PTPRQ: variants seen among roughly 807,000 people sequenced by gnomAD.
The protein encoded by PTPRQ is protein tyrosine phosphatase receptor type Q.
In PTPRQ, 199 loss-of-function variants were observed where a neutral mutation model predicts 246.0. The observed-to-expected ratio is 0.81, with a 90% confidence interval of 0.72 to 0.91. The LOEUF is 0.91. Ranked by LOEUF, PTPRQ falls within the 40% of genes least tolerant of loss-of-function variation. The pLI is 0.00. For synonymous variants in PTPRQ, 869 were observed against 853.2 expected (o/e 1.02, Z -0.32); for missense variants, 2,624 against 2,528.4 (o/e 1.04, Z -0.81).
At chr12:80,448,597 TC>T (rs1205588054) in intron 3 of PTPRQ, among the ~76,000 whole-genome samples, 5 of 151,222 alleles carry the variant, frequency 3.3e-5, no homozygotes, top group Non-Finnish European at 7.4e-5. Flanking sequence ...ATTGTTCAAT[TC>T]CCACCTATGA....
chr12:80,670,634 A>G (rs1202741190), intron 42 of PTPRQ, 142 bp downstream of exon 42: 1 of 1,258,042 alleles, frequency 7.9e-7, no homozygotes, highest in East Asian at 2.8e-5. Flanking sequence ...ATTTCTAGAC[A>G]CATTGGTATG....
In PTPRQ at chr12:80,444,779, T is replaced by C. The variant is rs1315666506; in HGVS notation, c.93T>C (p.Asp31=). The change falls in exon 2 of 45, where the codon GAT becomes GAC. Residue 31 remains aspartate, a synonymous_variant. Transcript: ENST00000644991. ...VSNVVPGTRY[D]ITISSISTTY... is the part of the protein sequence containing the mutation. ...ATGTCGTTCCTGGTACTAGGTACGA[T>C]ATAACCATCTCTTCAATTTCTACAA... The C allele has an allele frequency of 1.3e-6, 2 of 1,540,526 alleles. No homozygotes were observed. Among genetic ancestry groups the C allele is most frequent in the South Asian group, 1.2e-5 (1 of 83,556 alleles).
At chr12:80,502,338 A>G (rs1367191090) in intron 14 of PTPRQ, among the ~76,000 whole-genome samples, 4 of 151,940 alleles carry the variant, frequency 2.6e-5, no homozygotes, top group Non-Finnish European at 5.9e-5. Context: ...TGAAGAGAGA[A>G]CATGGTGAAA....
At chr12:80,621,005 A>G (rs1229620019) in intron 32 of PTPRQ, among the ~76,000 whole-genome samples, 1 of 151,884 alleles carries the variant, frequency 6.6e-6, no homozygotes, top group Admixed American at 6.6e-5. Flanking sequence ...TAAGACTACA[A>G]TTTTTAAAAG....
chr12:80,649,725 A>C, intron 37 of PTPRQ, 56 bp downstream of exon 37: 1 of 1,500,824 alleles, frequency 6.7e-7, no homozygotes, highest in Non-Finnish European at 8.9e-7. Context: ...TTCATGTGTC[A>C]CATTTCATGT....
chr12:80,591,120 C>CTTTTTTTT (rs757029945), intron 26 of PTPRQ, among the ~76,000 whole-genome samples: 18 of 77,386 alleles, frequency 2.3e-4, no homozygotes, highest in South Asian at 4.3e-4. Flanking sequence ...TTGATCATTG[C>CTTTTTTTT]TTTTTTTTTT....
At chr12:80,631,959 G>A (rs558488124) in intron 33 of PTPRQ, among the ~76,000 whole-genome samples, 2 of 152,282 alleles carry the variant, frequency 1.3e-5, no homozygotes, top group South Asian at 2.1e-4. Context: ...AAAACTGTGA[G>A]GCTAGATGGG....
rs1216060967 is a variant in PTPRQ at position 80,558,111 on chromosome 12, TTTTC to T, written c.4285+8389_4285+8392del. 5.6e-3 allele frequency among the ~76,000 whole-genome samples: 739 copies of T among 131,082 alleles called. 18 individuals are homozygous for T. Among genetic ancestry groups the T allele is most frequent in the African/African-American group, 0.019 (597 of 32,162 alleles). The allele number at this position is 131,082 out of a possible 152,430, so 86.0% of individuals were successfully genotyped here. ...CCCTCCCTCCCTCCTTTCTTCTTTC[TTTTC>T]TTTCTTTCTTTTCTTTTCTTTTCTT... On this transcript the variant is annotated intron_variant, in intron 25 of 44. Transcript: ENST00000644991.
Position 80,604,122 on chromosome 12 carries a change from G to A in PTPRQ, c.4610-937G>A, listed in dbSNP as rs138913040. Among the ~76,000 whole-genome samples the A allele has an allele frequency of 5.9e-5, 9 of 151,462 alleles. 2 individuals are homozygous for A. Among genetic ancestry groups the A allele is most frequent in the African/African-American group, 1.9e-4 (8 of 41,410 alleles). On this transcript the variant is annotated intron_variant, in intron 26 of 44. Transcript: ENST00000644991. ...TCATCTTCCTGATTATATCTTCTCCGGATCTGTGGGATAGTACTTTTTCAA... is the reference window on the plus strand; with the variant it reads ...TCATCTTCCTGATTATATCTTCTCCAGATCTGTGGGATAGTACTTTTTCAA...
intron 14 of PTPRQ, among the ~76,000 whole-genome samples, chr12:80,503,253 G>T (rs1267880464): frequency 6.6e-6 from 1 of 151,854 alleles, no homozygotes; most frequent in Non-Finnish European, 1.5e-5. Context: ...GAGGGTAGTT[G>T]TTGAGGATTT....
Position 80,649,569 on chromosome 12 carries a change from T to A in PTPRQ, c.5943-19T>A, listed in dbSNP as rs1900188960. On this transcript the variant is annotated intron_variant, in intron 36 of 44. Coordinates refer to ENST00000644991, the MANE Select transcript of PTPRQ (RefSeq NM_001145026.2). ...TACAATCTAACATGACCCTATTTTATACCTTTCTTTACTTGGAGGCCAATA... is the reference window on the plus strand; with the variant it reads ...TACAATCTAACATGACCCTATTTTAAACCTTTCTTTACTTGGAGGCCAATA... 6.5e-7 allele frequency: 1 copy of A among 1,549,690 alleles called. No homozygotes were observed. The highest frequency in any genetic ancestry group is 2.0e-5 in the Admixed American group (1 of 50,888).
Position 80,667,291 on chromosome 12 carries a change from A to G in PTPRQ, c.6193-1716A>G, listed in dbSNP as rs539250283. ...TTTCCTTCTTCAAAACTGTCTTCAC[A>G]TTATCACCAGTGATATGTGAAGTTT... On this transcript the variant is annotated intron_variant, in intron 39 of 44. Transcript: ENST00000644991. 3.1e-3 allele frequency among the ~76,000 whole-genome samples: 472 copies of G among 152,036 alleles called. 1 individual carries two copies. Among genetic ancestry groups the G allele is most frequent in the Admixed American group, 5.3e-3 (80 of 15,210 alleles).
intron 39 of PTPRQ, among the ~76,000 whole-genome samples, chr12:80,660,606 TTA>T (rs1467875099): frequency 3.9e-5 from 6 of 152,066 alleles, no homozygotes. Flanking sequence ...CTCGTCAAAA[TTA>T]TCTCTCCTGT....
chr12:80,619,587 A>G (rs1213953447), intron 31 of PTPRQ, 45 bp downstream of exon 31: 1 of 1,394,112 alleles, frequency 7.2e-7, no homozygotes, highest in East Asian at 2.7e-5. Flanking sequence ...TGGAGTGTAG[A>G]TTACTGAGTG....
intron 17 of PTPRQ, among the ~76,000 whole-genome samples, chr12:80,514,007 T>C (rs757125034): frequency 8.5e-4 from 129 of 152,296 alleles, no homozygotes; most frequent in Admixed American, 4.2e-3. Flanking sequence ...CGGCTTGTCA[T>C]GTTTATCTCC....
chr12:80,640,042 G>A (rs1366123725), intron 35 of PTPRQ, among the ~76,000 whole-genome samples: 7 of 150,808 alleles, frequency 4.6e-5, no homozygotes, highest in African/African-American at 1.7e-4. Flanking sequence ...GTGTGTGTGT[G>A]TGTGTGTGTG....
chr12:80,466,109 A>G (rs1329550258), intron 6 of PTPRQ, among the ~76,000 whole-genome samples: 2 of 152,196 alleles, frequency 1.3e-5, no homozygotes, highest in African/African-American at 4.8e-5. Context: ...AGAAAACCCC[A>G]TCGTCTCAGC....
chr12:80,572,659 C>A (rs1485411924), intron 25 of PTPRQ, among the ~76,000 whole-genome samples: 2 of 152,082 alleles, frequency 1.3e-5, no homozygotes, highest in African/African-American at 2.4e-5. Flanking sequence ...TCTGTAGATA[C>A]CCCTTATTAA....
At chr12:80,490,145 T>C (rs1189770932) in intron 9 of PTPRQ, among the ~76,000 whole-genome samples, 1 of 151,990 alleles carries the variant, frequency 6.6e-6, no homozygotes, top group African/African-American at 2.4e-5. Context: ...CTGAATAATG[T>C]GTTGAATGAT....
Sources: gnomAD v4.1 joint callset for allele counts (sites outside exome capture counted in the v4.1 genomes callset) on GRCh38, gnomAD v4.1.1 for gene constraint, MANE v1.5 for transcripts, NCBI Gene and HGNC (gene_info 2026-07-23, HGNC 2026-07-21) for gene names.